CADPS: variants seen among roughly 807,000 people sequenced by gnomAD.
The protein encoded by CADPS is calcium-dependent secretion activator 1.
A neutral mutation model predicts 167.3 loss-of-function variants in CADPS; 57 were observed. The ratio of observed to expected loss-of-function variants is 0.34; its 90% CI spans 0.28 to 0.42. The LOEUF (loss-of-function observed/expected upper bound fraction) is 0.42. Ranked by LOEUF, CADPS falls within the 20% of genes least tolerant of loss-of-function variation. CADPS has a pLI of 1.00. For missense variants in CADPS, 1,414 were observed against 1,738.1 expected, an observed-to-expected ratio of 0.81 and a Z score of 3.32; for synonymous variants, 676 against 635.3, an observed-to-expected ratio of 1.06 and a Z score of -0.96.
intron 21 of CADPS, among the ~76,000 whole-genome samples, chr3:62,483,948 C>A (rs2062411842): frequency 6.6e-6 from 1 of 152,130 alleles, no homozygotes; most frequent in African/African-American, 2.4e-5. Context: ...TTAAAAGTAG[C>A]TAGGAGTGCA....
intron 9 of CADPS, among the ~76,000 whole-genome samples, chr3:62,559,089 C>T (rs1418348788): frequency 6.6e-6 from 1 of 152,088 alleles, no homozygotes; most frequent in East Asian, 1.9e-4. Context: ...TTTTACATAC[C>T]ATGTGTGATA....
At chr3:62,476,380 C>T (rs997073264) in intron 23 of CADPS, among the ~76,000 whole-genome samples, 3 of 152,144 alleles carry the variant, frequency 2.0e-5, no homozygotes, top group Admixed American at 6.5e-5. Context: ...GGTATTTCCA[C>T]CCATTTTTGC....
In CADPS at chr3:62,746,065, T is replaced by C. The variant is rs1260171453; in HGVS notation, c.888+7376A>G. 3.3e-5 allele frequency among the ~76,000 whole-genome samples: 5 copies of C among 152,288 alleles called. No homozygotes were observed. In the East Asian group the frequency reaches 9.7e-4, roughly 29 times the overall value. On this transcript the variant is annotated intron_variant, in intron 3 of 29. Transcript: ENST00000383710. ...TTCTCTACAAAGGTTACATTTAAAA[T>C]GATACCTGAAGGAGCCAGCCTTATG...
intron 7 of CADPS, among the ~76,000 whole-genome samples, chr3:62,592,183 C>T (rs185933289): frequency 6.6e-6 from 1 of 152,276 alleles, no homozygotes; most frequent in African/African-American, 2.4e-5. Flanking sequence ...GCAAGCAAAG[C>T]ACTCCTCTAT....
At chr3:62,427,053 T>C (rs1202117818) in intron 28 of CADPS, among the ~76,000 whole-genome samples, 6 of 141,746 alleles carry the variant, frequency 4.2e-5, no homozygotes, top group Admixed American at 3.6e-4. Flanking sequence ...CCAGCCTGGG[T>C]GACAGAGCGA....
In CADPS at chr3:62,491,558, A is replaced by AACACACACACAC. The variant is rs35911391; in HGVS notation, c.2885-90_2885-79dup. 180 of 526,684 alleles carry AACACACACACAC rather than the reference A, an allele frequency of 3.4e-4. 1 individual carries two copies. Among genetic ancestry groups the AACACACACACAC allele is most frequent in the Middle Eastern group, 9.8e-4 (2 of 2,044 alleles). 32.6% of individuals were successfully genotyped at this position (526,684 alleles called of 1,614,324 possible). A position where few individuals can be genotyped will look rare whatever the true frequency, so the allele number is the denominator to read the frequency against. ...TACAACACACACACACACACACACA[A>AACACACACACAC]ACACACACACACACACACACACACA... On this transcript the variant is annotated intron_variant, in intron 20 of 29. Coordinates refer to ENST00000383710, the MANE Select transcript of CADPS (RefSeq NM_003716.4).
At chr3:62,407,812 C>T (rs183172614) in intron 28 of CADPS, among the ~76,000 whole-genome samples, 28 of 152,306 alleles carry the variant, frequency 1.8e-4, no homozygotes, top group Middle Eastern at 6.8e-3. Context: ...TGGCTCACTG[C>T]AACCTCTGTC....
At chr3:62,449,647 T>C (rs921475832) in intron 26 of CADPS, among the ~76,000 whole-genome samples, 3 of 151,580 alleles carry the variant, frequency 2.0e-5, no homozygotes, top group African/African-American at 7.3e-5. Flanking sequence ...CTAGATCAAA[T>C]AACCAACAGC....
intron 26 of CADPS, among the ~76,000 whole-genome samples, chr3:62,457,220 C>A (rs2058794587): frequency 6.6e-6 from 1 of 152,178 alleles, no homozygotes; most frequent in South Asian, 2.1e-4. Context: ...TCATTTAATT[C>A]TACCCACACC....
chr3:62,825,592 A>G (rs1050173282), intron 1 of CADPS, among the ~76,000 whole-genome samples: 4 of 152,148 alleles, frequency 2.6e-5, no homozygotes, highest in Admixed American at 6.5e-5. Flanking sequence ...GTTGGTGAGG[A>G]AAGTGAGGCT....
intron 3 of CADPS, among the ~76,000 whole-genome samples, chr3:62,689,215 T>C (rs77406101): frequency 0.014 from 2,127 of 152,076 alleles, 63 homozygotes; most frequent in African/African-American, 0.048. Flanking sequence ...AATTTTTCCA[T>C]GCTGTACCTG....
chr3:62,720,494 A>G (rs966761035), intron 3 of CADPS, among the ~76,000 whole-genome samples: 1 of 152,070 alleles, frequency 6.6e-6, no homozygotes, highest in African/African-American at 2.4e-5. Context: ...TACCACACTC[A>G]GCTAATTTTT....
At chr3:62,485,783 G>A (rs963736066) in intron 21 of CADPS, among the ~76,000 whole-genome samples, 3 of 152,214 alleles carry the variant, frequency 2.0e-5, no homozygotes, top group Non-Finnish European at 1.5e-5. Flanking sequence ...ATGATCAAAT[G>A]TGTATATGTG....
intron 1 of CADPS, among the ~76,000 whole-genome samples, chr3:62,797,854 G>A (rs1477300676): frequency 6.6e-6 from 1 of 151,998 alleles, no homozygotes; most frequent in African/African-American, 2.4e-5. Flanking sequence ...AAGGTTTCCT[G>A]AAAGTAATCT....
chr3:62,874,786 T>A lies in CADPS; in HGVS notation c.244A>T (p.Ser82Cys). 7.1e-7 allele frequency: 1 copy of A among 1,405,650 alleles called. No individual in the cohort carries two copies. Among genetic ancestry groups the A allele is most frequent in the Non-Finnish European group, 9.6e-7 (1 of 1,039,854 alleles). 87.1% of individuals were successfully genotyped at this position (1,405,650 alleles called of 1,614,324 possible). A position where few individuals can be genotyped will look rare whatever the true frequency, so the allele number is the denominator to read the frequency against. The change falls in exon 1 of 30, where the codon AGC becomes TGC. Residue 82 changes from serine to cysteine, a missense_variant. Ser to Cys is a moderately radical substitution (Grantham distance 112). Around this residue, in one of 6 missense-constraint regions of CADPS, gnomAD observed 522 missense variants for 559.5 expected, o/e 0.93. Coordinates refer to ENST00000383710, the MANE Select transcript of CADPS (RefSeq NM_003716.4). The surrounding 1 kb of genome is among the most constrained non-coding windows in gnomAD (Gnocchi z 7.1). ...GAGGGCCGGCCGCCGCCAGCGCGGC[T>A]GCTGGGTTGCAGCCCCCCGGCCCCG... Reference protein sequence around the residue: ...GGGAGGLQPSSRAGGGRPSSP... With the variant: ...GGGAGGLQPSCRAGGGRPSSP...
intron 3 of CADPS, among the ~76,000 whole-genome samples, chr3:62,701,165 CACAA>C (rs1400507731): frequency 6.6e-6 from 1 of 152,020 alleles, no homozygotes; most frequent in Non-Finnish European, 1.5e-5. Flanking sequence ...GGGGGAGGGA[CACAA>C]ACATTCAGTC....
At chr3:62,654,453 T>C (rs760618664) in intron 4 of CADPS, among the ~76,000 whole-genome samples, 6 of 152,134 alleles carry the variant, frequency 3.9e-5, no homozygotes, top group Non-Finnish European at 5.9e-5. Flanking sequence ...CCAGGTTGAG[T>C]TGGCTGAGAT....
rs2055704183 is a variant in CADPS, at chr3:62,438,809, G to C, written c.3670-598C>G. On this transcript the variant is annotated intron_variant, in intron 27 of 29. Coordinates refer to ENST00000383710, the MANE Select transcript of CADPS (RefSeq NM_003716.4). The surrounding 1 kb of genome is among the most constrained non-coding windows in gnomAD (Gnocchi z 4.7). The stretch of plus-strand genomic sequence containing the variant: ...ATTTGCTAATTAATTAGTTCACTCA[G>C]AGGAGACACTAAACCATTTGTCTTT... The C allele has an allele frequency of 6.6e-6, 1 of 151,708 alleles. No individual in the cohort carries two copies. Among genetic ancestry groups the C allele is most frequent in the Non-Finnish European group, 1.5e-5 (1 of 68,060 alleles). The allele number at this position is 151,708 out of a possible 1,614,324, so 9.4% of individuals were successfully genotyped here. A position where few individuals can be genotyped will look rare whatever the true frequency, so the allele number is the denominator to read the frequency against.
intron 1 of CADPS, among the ~76,000 whole-genome samples, chr3:62,872,819 C>A (rs2082868118): frequency 6.6e-6 from 1 of 152,214 alleles, no homozygotes. Flanking sequence ...TCCCCCACCC[C>A]TTTCGACCTA....
Sources: allele counts gnomAD v4.1 joint callset (sites outside exome capture counted in the v4.1 genomes callset), GRCh38; gene constraint gnomAD v4.1.1; regional missense constraint gnomAD v4.1.1; non-coding constraint Gnocchi (gnomAD v3.1); transcripts MANE v1.5; gene names NCBI Gene and HGNC (gene_info 2026-07-23, HGNC 2026-07-21).